Variants in IQGAP3 observed in about 807,000 individuals in gnomAD.
IQGAP3 encodes ras GTPase-activating-like protein IQGAP3.
A neutral mutation model predicts 208.2 loss-of-function variants in IQGAP3; 165 were observed. The ratio of observed to expected loss-of-function variants is 0.79; its 90% confidence interval spans 0.70 to 0.90. The LOEUF (loss-of-function observed/expected upper bound fraction) is 0.90, where lower values mean the gene tolerates loss of function less well. Among genes scored for constraint, IQGAP3 ranks in the 40% least tolerant of loss-of-function variants. The pLI, the probability that IQGAP3 is intolerant of heterozygous loss-of-function variation, is 0.00. For missense variants in IQGAP3, 1,811 were observed against 2,043.1 expected (o/e 0.89, Z 2.19); for synonymous variants, 703 against 803.6 (o/e 0.87, Z 2.12).
chr1:156,538,968 C>T lies in IQGAP3; in HGVS notation c.3122G>A (p.Arg1041Lys). 2 of 1,614,214 alleles carry T rather than the reference C, an allele frequency of 1.2e-6. No individual in the cohort carries two copies. The highest frequency in any genetic ancestry group is 1.7e-6 in the Non-Finnish European group (2 of 1,180,026). Residue 1041 changes from arginine to lysine, a missense_variant, in exon 26 of 38, where the codon AGA becomes AAA. Arg to Lys is a conservative substitution (Grantham distance 26). Coordinates refer to ENST00000361170, the MANE Select transcript of IQGAP3 (RefSeq NM_178229.5). Reference sequence around the variant, plus strand: ...CTGTCCCCGCCCATTACGGTAGAATCTCACCACCAGCCTCACCACTGTTGG... The same window carrying T: ...CTGTCCCCGCCCATTACGGTAGAATTTCACCACCAGCCTCACCACTGTTGG... ...GNPTVVRLVV[R>K]FYRNGRGQSA... is the part of the protein sequence containing the mutation.
At position 156,527,119 on chromosome 1, in the gene IQGAP3, C is replaced by CCG. The variant is rs1557912621; in HGVS notation, c.4783-521_4783-520insCG. ...GTGCTGGGATTACAGGCGTGAGCCA[C>CCG]TGCACCCGGCCAAAATCATTTTTCT... is the stretch of plus-strand genomic sequence containing the variant. On this transcript the variant is annotated intron_variant, in intron 37 of 37. Coordinates refer to ENST00000361170, the MANE Select transcript of IQGAP3 (RefSeq NM_178229.5). 1.6e-4 allele frequency among the ~76,000 whole-genome samples: 24 copies of CCG among 151,960 alleles called. 2 individuals carry two copies. In the Middle Eastern group the frequency reaches 0.01, roughly 65 times the overall value.
intron 34 of IQGAP3, among the ~76,000 whole-genome samples, 177 bp downstream of exon 34, chr1:156,529,928 A>AAAAAAAAAAAAAAAAAG (rs1553221888): frequency 6.7e-6 from 1 of 150,150 alleles, no homozygotes; most frequent in African/African-American, 2.5e-5. Context: ...AAAAAAAAAA[A>AAAAAAAAAAAAAAAAAG]AAAAAAGAAA....
At chr1:156,565,862 C>A (rs1473925236) in intron 4 of IQGAP3, among the ~76,000 whole-genome samples, 165 bp downstream of exon 4, 1 of 152,118 alleles carries the variant, frequency 6.6e-6, no homozygotes, top group African/African-American at 2.4e-5. Context: ...AAAAAAATAA[C>A]CTGGTTCAAA....
intron 2 of IQGAP3, among the ~76,000 whole-genome samples, chr1:156,567,912 T>C (rs1676480526): frequency 6.6e-6 from 1 of 152,156 alleles, no homozygotes; most frequent in African/African-American, 2.4e-5. Flanking sequence ...CTTGATAAAA[T>C]AATAAATTCT....
intron 27 of IQGAP3, among the ~76,000 whole-genome samples, chr1:156,536,256 AAAT>A (rs1674676983): frequency 6.6e-6 from 1 of 152,178 alleles, no homozygotes; most frequent in African/African-American, 2.4e-5. Flanking sequence ...CCTGTCTTAA[AAAT>A]AATAATAATA....
intron 19 of IQGAP3, 40 bp from the exon 20 acceptor site, chr1:156,544,512 C>G (rs370893092): frequency 6.5e-7 from 1 of 1,543,250 alleles, no homozygotes; most frequent in Non-Finnish European, 9.0e-7. Flanking sequence ...TCAAGCAGGT[C>G]TCCTTTGGCC....
chr1:156,547,978 G>A (rs1326158583), intron 19 of IQGAP3, 95 bp downstream of exon 19: 3 of 1,155,300 alleles, frequency 2.6e-6, no homozygotes, highest in East Asian at 5.1e-5. Flanking sequence ...GAGGCCGAAA[G>A]GTCATTCCCA....
rs1269831015 is a variant in IQGAP3 at position 156,550,296 on chromosome 1, A to C, written c.1790T>G (p.Val597Gly). The C allele has an allele frequency of 1.9e-6, 3 of 1,613,572 alleles. No individual in the cohort carries two copies. Among genetic ancestry groups the C allele is most frequent in the Non-Finnish European group, 2.5e-6 (3 of 1,179,830 alleles). Residue 597 changes from valine (V) to glycine (G), a missense_variant, in exon 16 of 38, where the codon GTC becomes GGC. By Grantham distance (109) the Val-to-Gly change is moderately radical (BLOSUM62 -3). Transcript: ENST00000361170. ...TGTATTAGTGTCCTGGTTGGCTCTG[A>C]CCACTCCCTGGCGGATCTCCTCAAG... Reference protein sequence around the residue: ...LWLEEIRQGVVRANQDTNTAQ... With the variant: ...LWLEEIRQGVGRANQDTNTAQ...
At chr1:156,563,456 G>C in intron 7 of IQGAP3, 97 bp downstream of exon 7, 3 of 1,329,656 alleles carry the variant, frequency 2.3e-6, no homozygotes, top group Non-Finnish European at 3.1e-6. Context: ...CCTATCTGTG[G>C]ATGAGAGCTG....
rs770066385 is a variant in IQGAP3 at position 156,561,906 on chromosome 1, C to G, written c.973G>C (p.Gly325Arg). 6 of 1,614,100 alleles carry G rather than the reference C, an allele frequency of 3.7e-6. No individual in the cohort carries two copies. In the South Asian group the frequency reaches 5.5e-5, roughly 15 times the overall value. ...ALQDPALALRGVRRDFADWYL... is the reference protein window; with the variant it reads ...ALQDPALALRRVRRDFADWYL... ...CAGTCAGCAAAGTCTCTCCTCACCC[C>G]TCGCAGGGCCAGGGCAGGGTCTTGA... Residue 325 changes from glycine to arginine, a missense_variant, in exon 10 of 38, where the codon GGG (glycine) becomes CGG (arginine). Transcript: ENST00000361170.
intron 15 of IQGAP3, among the ~76,000 whole-genome samples, chr1:156,550,832 C>T (rs1230138553): frequency 2.0e-5 from 3 of 152,158 alleles, no homozygotes; most frequent in Non-Finnish European, 2.9e-5. Context: ...CTCCTCTACC[C>T]GACAAGGTAG....
At position 156,562,588 on chromosome 1, in the gene IQGAP3, G is replaced by T. The variant is rs143251488; in HGVS notation, c.876C>A (p.Asn292Lys). ...AEIQGNINHV[N>K]VHGALEVVDD... is the part of the protein sequence containing the mutation. The stretch of plus-strand genomic sequence containing the variant: ...CCACTCCTGCTCGAGGTCTCTTACC[G>T]TTGACATGGTTGATATTGCCCTGGA... Residue 292 changes from asparagine (N) to lysine (K), a missense_variant and splice_region_variant, in exon 9 of 38, where the codon AAC (asparagine) becomes AAA (lysine). By Grantham distance (94) the Asn-to-Lys change is moderately conservative. Transcript: ENST00000361170. 2.5e-6 allele frequency: 4 copies of T among 1,613,450 alleles called. No homozygotes were observed. In the African/African-American group the frequency reaches 4.0e-5, roughly 16 times the overall value.
intron 29 of IQGAP3, 86 bp from the exon 30 acceptor site, chr1:156,534,227 A>G (rs1377436173): frequency 6.3e-7 from 1 of 1,589,220 alleles, no homozygotes; most frequent in Non-Finnish European, 8.5e-7. Flanking sequence ...AGCCTTCTCC[A>G]GTGATTGCTC....
At position 156,551,731 on chromosome 1, in the gene IQGAP3, C is replaced by T. The variant is rs1646862178; in HGVS notation, c.1708G>A (p.Val570Met). Residue 570 changes from valine (V) to methionine (M), a missense_variant, in exon 15 of 38, where the codon GTG becomes ATG. Physicochemically the swap from Val to Met is conservative, Grantham distance 21. Coordinates refer to ENST00000361170, the MANE Select transcript of IQGAP3 (RefSeq NM_178229.5). ...PVAPRYHLLLVAAKRQKAQVT... is the reference protein window; with the variant it reads ...PVAPRYHLLLMAAKRQKAQVT... The stretch of plus-strand genomic sequence containing the variant: ...TGGGCCTTCTGCCTTTTGGCTGCCA[C>T]AAGGAGGAGATGGTACCGAGGGGCG... 1.2e-6 allele frequency: 2 copies of T among 1,612,662 alleles called. No individual in the cohort carries two copies. Among genetic ancestry groups the T allele is most frequent in the Non-Finnish European group, 1.7e-6 (2 of 1,179,596 alleles).
intron 5 of IQGAP3, 115 bp from the exon 6 acceptor site, chr1:156,563,939 C>A (rs930399588): frequency 6.5e-6 from 5 of 764,482 alleles, no homozygotes; most frequent in Non-Finnish European, 1.1e-5. Flanking sequence ...CCACTCAGCA[C>A]CTGCCCTCAA....
chr1:156,535,184 G>A lies in IQGAP3; in HGVS notation c.3486C>T (p.Ala1162=). ...KATLAEKFPD[A]TDSEVYKVVG... The stretch of plus-strand genomic sequence containing the variant: ...TTGCCTTATAGACCTCGCTGTCTGT[G>A]GCGTCAGGGAATTTCTCTGCCAGAG... The change falls in exon 28 of 38, where the codon GCC becomes GCT. Residue 1162 remains alanine, a synonymous_variant. Transcript: ENST00000361170. 6.2e-7 allele frequency: 1 copy of A among 1,613,494 alleles called. No individual in the cohort carries two copies. Among genetic ancestry groups the A allele is most frequent in the African/African-American group, 1.3e-5 (1 of 74,990 alleles).
At chr1:156,550,706 C>T (rs925965649) in intron 15 of IQGAP3, among the ~76,000 whole-genome samples, 4 of 152,190 alleles carry the variant, frequency 2.6e-5, no homozygotes, top group Non-Finnish European at 5.9e-5. Flanking sequence ...GGATAGCCTA[C>T]GCTGGAGGCT....
rs201164881 is a variant in IQGAP3 at position 156,551,774 on chromosome 1, A to G, written c.1665T>C (p.Asp555=). Residue 555 remains aspartate, a synonymous_variant, in exon 15 of 38, where the codon GAT becomes GAC. Transcript: ENST00000361170. The part of the protein sequence containing the change: ...SALLLPAAGL[D]DVSLPVAPRY... ...GAGGGGCGACAGGGAGGCTGACATC[A>G]TCTAGGCCAGCTGCAGGAAGCAGTA... The G allele has an allele frequency of 1.7e-5, 28 of 1,614,046 alleles. No individual in the cohort carries two copies. In the Admixed American group the frequency reaches 4.7e-4, roughly 27 times the overall value.
intron 26 of IQGAP3, among the ~76,000 whole-genome samples, chr1:156,537,892 A>ATT (rs201573278): frequency 8.6e-5 from 12 of 140,278 alleles, no homozygotes; most frequent in African/African-American, 1.6e-4. Context: ...CTCCCAGCAA[A>ATT]TTTTTTTTTT....
Sources: gnomAD v4.1 joint callset for allele counts (sites outside exome capture counted in the v4.1 genomes callset) on GRCh38, gnomAD v4.1.1 for gene constraint, MANE v1.5 for transcripts, NCBI Gene and HGNC (gene_info 2026-07-23, HGNC 2026-07-21) for gene names.